The following DPP6 variants were observed in gnomAD, a reference collection of about 807,000 sequenced individuals.
DPP6 encodes dipeptidyl peptidase like 6, also known as A-type potassium channel modulatory protein DPP6.
A neutral mutation model predicts 122.6 loss-of-function variants in DPP6; 69 were observed. The ratio of observed to expected loss-of-function variants is 0.56; its 90% confidence interval spans 0.46 to 0.69. The LOEUF (loss-of-function observed/expected upper bound fraction) is 0.69. Among genes scored for constraint, DPP6 ranks in the 30% least tolerant of loss-of-function variants. The pLI is 0.00. For missense variants in DPP6, 928 were observed against 1,116.9 expected (o/e 0.83, Z 2.41); for synonymous variants, 418 against 433.1 (o/e 0.97, Z 0.43).
At chr7:154,563,463 C>G (rs975788141) in intron 4 of DPP6, among the ~76,000 whole-genome samples, 1 of 152,154 alleles carries the variant, frequency 6.6e-6, no homozygotes, top group Non-Finnish European at 1.5e-5. Flanking sequence ...TGGCCCTGGC[C>G]GCCTGGGAAA....
the DPP6 span, among the ~76,000 whole-genome samples, chr7:153,842,997 C>T: frequency 1.9e-4 from 29 of 152,220 alleles, no homozygotes; most frequent in Middle Eastern, 3.4e-3. Context: ...TGTGTGTGCA[C>T]GCACATACAC....
At chr7:153,891,247 C>T (rs945659002) in intron 1 of DPP6, among the ~76,000 whole-genome samples, 4 of 151,526 alleles carry the variant, frequency 2.6e-5, no homozygotes, top group African/African-American at 9.7e-5. Context: ...TGGTCTCGAT[C>T]TCTTGACCTC....
intron 1 of DPP6, among the ~76,000 whole-genome samples, chr7:153,984,053 AACACACACACACACAC>A (rs528640069): frequency 0.014 from 1,799 of 132,010 alleles, 48 homozygotes; most frequent in African/African-American, 0.045. Context: ...TTCTGTCCAT[AACACACACACACACAC>A]ACACACACAC....
intron 3 of DPP6, among the ~76,000 whole-genome samples, chr7:154,493,845 G>A (rs1377757225): frequency 6.6e-6 from 1 of 152,156 alleles, no homozygotes; most frequent in African/African-American, 2.4e-5. Flanking sequence ...ATTTGGTTTG[G>A]TTTATGTGTG....
At position 154,060,316 on chromosome 7, in the gene DPP6, C is replaced by A. The variant is rs529895880; in HGVS notation, c.243+7253C>A. ...CCTCTTCCCCCCCTGGCTCTTAGGA[C>A]CCCCATCGCAGGAGGGGGAGGCACC... is the stretch of plus-strand genomic sequence containing the variant. On this transcript the variant is annotated intron_variant, in intron 1 of 25. Coordinates refer to ENST00000377770, the MANE Select transcript of DPP6 (RefSeq NM_130797.4). Among the ~76,000 whole-genome samples, 20 of 126,186 alleles carry A rather than the reference C, an allele frequency of 1.6e-4. 2 individuals carry two copies. Among genetic ancestry groups the A allele is most frequent in the Admixed American group, 1.3e-3 (17 of 13,034 alleles). The allele number at this position is 126,186 out of a possible 152,430, so 82.8% of individuals were successfully genotyped here.
chr7:153,814,452 T>G, the DPP6 span, among the ~76,000 whole-genome samples: 1 of 152,236 alleles, frequency 6.6e-6, no homozygotes, highest in African/African-American at 2.4e-5. Flanking sequence ...GCTCTGAAAT[T>G]GTGGCAATAA....
chr7:154,678,030 A>T (rs1839026144), intron 7 of DPP6, among the ~76,000 whole-genome samples: 1 of 152,136 alleles, frequency 6.6e-6, no homozygotes, highest in African/African-American at 2.4e-5. Context: ...CACCAATCAG[A>T]GCTCCTGTCT....
At chr7:154,217,574 C>T (rs58616386) in intron 1 of DPP6, among the ~76,000 whole-genome samples, 4,814 of 152,262 alleles carry the variant, frequency 0.032, 238 homozygotes, top group African/African-American at 0.11. Flanking sequence ...AAATAAAAGC[C>T]TATGAGCTAT....
chr7:154,662,180 A>C lies in DPP6; in HGVS notation c.681-7180A>C, dbSNP rs375886493. Among the ~76,000 whole-genome samples the C allele has an allele frequency of 5.3e-4, 80 of 151,002 alleles. 3 individuals are homozygous for C. In the South Asian group the frequency reaches 0.017, roughly 32 times the overall value. On this transcript the variant is annotated intron_variant, in intron 6 of 25. Coordinates refer to ENST00000377770, the MANE Select transcript of DPP6 (RefSeq NM_130797.4). ...TATTGGCCGTAGTGTTCATATAGTCATGGTGAATCACTGTGGCATATTGGC... is the reference window on the plus strand; with the variant it reads ...TATTGGCCGTAGTGTTCATATAGTCCTGGTGAATCACTGTGGCATATTGGC...
At chr7:153,776,958 C>T in the DPP6 span, among the ~76,000 whole-genome samples, 1 of 152,166 alleles carries the variant, frequency 6.6e-6, no homozygotes, top group East Asian at 1.9e-4. Flanking sequence ...CAGCCATAGG[C>T]TGGTAAAGAG....
chr7:153,813,725 G>A, the DPP6 span, among the ~76,000 whole-genome samples: 6 of 151,802 alleles, frequency 4.0e-5, no homozygotes, highest in African/African-American at 1.5e-4. Context: ...ATTCTAACTG[G>A]TGTGAGATGG....
intron 1 of DPP6, among the ~76,000 whole-genome samples, chr7:154,133,551 G>A (rs760203440): frequency 1.7e-4 from 26 of 152,274 alleles, no homozygotes; most frequent in African/African-American, 5.3e-4. Context: ...GCATAATACT[G>A]CTGGGAGAAT....
At chr7:154,607,341 C>T (rs1220096140) in intron 5 of DPP6, among the ~76,000 whole-genome samples, 1 of 117,026 alleles carries the variant, frequency 8.5e-6, no homozygotes, top group African/African-American at 2.7e-5. Context: ...AGGCGGATCA[C>T]GAGGTTAGGA....
chr7:153,933,703 TC>T (rs1563022375), intron 1 of DPP6, among the ~76,000 whole-genome samples: 4 of 135,880 alleles, frequency 2.9e-5, no homozygotes, highest in African/African-American at 1.1e-4. Flanking sequence ...TCTCTCTCTC[TC>T]TCACACACAC....
the DPP6 span, among the ~76,000 whole-genome samples, chr7:153,830,348 C>G: frequency 2.0e-5 from 3 of 152,152 alleles, no homozygotes; most frequent in African/African-American, 7.2e-5. Flanking sequence ...TTTACCATAG[C>G]AAAACCTGCT....
At chr7:154,783,751 C>T (rs148012989) in intron 10 of DPP6, among the ~76,000 whole-genome samples, 224 of 152,300 alleles carry the variant, frequency 1.5e-3, no homozygotes, top group African/African-American at 5.2e-3. Context: ...TGGGACAGAA[C>T]ACACATGAGT....
chr7:154,793,238 G>A (rs548946936), intron 10 of DPP6, among the ~76,000 whole-genome samples: 4 of 152,290 alleles, frequency 2.6e-5, no homozygotes, highest in Admixed American at 6.5e-5. Flanking sequence ...GATTGAACGC[G>A]CATTAGCTGG....
chr7:154,479,588 A>G (rs1823071948), intron 3 of DPP6, among the ~76,000 whole-genome samples: 1 of 151,480 alleles, frequency 6.6e-6, no homozygotes, highest in Non-Finnish European at 1.5e-5. Context: ...AAGAAAAGAA[A>G]AAGAAAAGGC....
intron 1 of DPP6, among the ~76,000 whole-genome samples, chr7:154,354,314 A>G (rs1811104508): frequency 6.6e-6 from 1 of 152,230 alleles, no homozygotes; most frequent in African/African-American, 2.4e-5. Flanking sequence ...TCATGTGATA[A>G]GCCCAGTGTG....
Sources: gnomAD v4.1 joint callset for allele counts (sites outside exome capture counted in the v4.1 genomes callset) on GRCh38, gnomAD v4.1.1 for gene constraint, MANE v1.5 for transcripts, NCBI Gene and HGNC (gene_info 2026-07-23, HGNC 2026-07-21) for gene names.